KCNB2: variants seen among roughly 807,000 people sequenced by gnomAD.
The protein encoded by KCNB2 is potassium voltage-gated channel subfamily B member 2, also known as delayed rectifier potassium channel protein.
In KCNB2, 15 loss-of-function variants were observed where a neutral mutation model predicts 61.5. The ratio of observed to expected loss-of-function variants is 0.24; its 90% CI spans 0.16 to 0.38. KCNB2 has a LOEUF of 0.38. Among genes scored for constraint, KCNB2 ranks in the 10% least tolerant of loss-of-function variants. The pLI, the probability that KCNB2 is intolerant of heterozygous loss-of-function variation, is 1.00. For synonymous variants in KCNB2, 457 were observed against 446.0 expected, an observed-to-expected ratio of 1.02 and a Z score of -0.31; for missense variants, 828 against 1,125.2, an observed-to-expected ratio of 0.74 and a Z score of 3.78.
At chr8:72,673,667 A>G (rs903330237) in intron 2 of KCNB2, among the ~76,000 whole-genome samples, 1 of 152,246 alleles carries the variant, frequency 6.6e-6, no homozygotes, top group East Asian at 1.9e-4. Flanking sequence ...CCTTGAAAGC[A>G]TTATGTAAGG....
At chr8:72,903,039 T>A (rs1806114526) in intron 2 of KCNB2, among the ~76,000 whole-genome samples, 1 of 152,196 alleles carries the variant, frequency 6.6e-6, no homozygotes, top group South Asian at 2.1e-4. Flanking sequence ...ACTTTGAGTT[T>A]CTTTGAGTAC....
At chr8:72,727,343 G>A (rs1388047840) in intron 2 of KCNB2, among the ~76,000 whole-genome samples, 1 of 152,118 alleles carries the variant, frequency 6.6e-6, no homozygotes, top group East Asian at 1.9e-4. Flanking sequence ...AGGGATAAGG[G>A]CCTCATCTTC....
chr8:72,609,105 TG>T (rs1466216382), intron 2 of KCNB2, among the ~76,000 whole-genome samples: 1 of 152,198 alleles, frequency 6.6e-6, no homozygotes, highest in Non-Finnish European at 1.5e-5. Flanking sequence ...CTCTTTCATT[TG>T]TAAAGATAAG....
intron 2 of KCNB2, chr8:72,619,307 G>A (rs1235458835): frequency 1.6e-6 from 1 of 613,218 alleles, no homozygotes; most frequent in Non-Finnish European, 3.2e-6. Context: ...GATTGGCAGG[G>A]GAAAAGTTCA....
At chr8:72,798,235 G>A (rs1809062606) in intron 2 of KCNB2, among the ~76,000 whole-genome samples, 1 of 152,108 alleles carries the variant, frequency 6.6e-6, no homozygotes, top group Non-Finnish European at 1.5e-5. Context: ...GAACTTTCCT[G>A]TTATGTTTTA....
chr8:72,824,990 C>T (rs1051024081), intron 2 of KCNB2, among the ~76,000 whole-genome samples: 2 of 152,166 alleles, frequency 1.3e-5, no homozygotes, highest in Non-Finnish European at 2.9e-5. Context: ...CACCATCATC[C>T]ACCTCCAGAA....
At chr8:72,656,319 T>C (rs145172311) in intron 2 of KCNB2, among the ~76,000 whole-genome samples, 2,244 of 152,214 alleles carry the variant, frequency 0.015, 45 homozygotes, top group African/African-American at 0.052. Context: ...CCTCTGAGAG[T>C]GAGCTATCCT....
intron 2 of KCNB2, among the ~76,000 whole-genome samples, chr8:72,727,023 C>G (rs1807661978): frequency 6.6e-6 from 1 of 152,180 alleles, no homozygotes; most frequent in South Asian, 2.1e-4. Context: ...TTTATCTAAT[C>G]ACTATTCACT....
Position 72,936,486 on chromosome 8 carries a change from C to T in KCNB2, c.1131C>T (p.Ile377=). The T allele has an allele frequency of 6.2e-7, 1 of 1,614,220 alleles. No individual in the cohort carries two copies. The highest frequency in any genetic ancestry group is 1.3e-5 in the African/African-American group (1 of 75,078). Residue 377 remains isoleucine, a synonymous_variant, in exon 3 of 3, where the codon ATC becomes ATT. Coordinates refer to ENST00000523207, the MANE Select transcript of KCNB2 (RefSeq NM_004770.3). The surrounding 1 kb of genome is among the most constrained non-coding windows in gnomAD (Gnocchi z 5.6). ...CTGCATCATTTTGGTGGGCCACCAT[C>T]ACCATGACCACTGTTGGCTATGGTG... ...SIPASFWWAT[I]TMTTVGYGDI...
intron 2 of KCNB2, among the ~76,000 whole-genome samples, chr8:72,916,286 C>T (rs545986432): frequency 6.6e-6 from 1 of 152,252 alleles, no homozygotes; most frequent in South Asian, 2.1e-4. Flanking sequence ...CAGGATATTT[C>T]CCTGACCCCT....
chr8:72,750,223 C>G (rs2128995552), intron 2 of KCNB2: 1 of 152,224 alleles, frequency 6.6e-6, no homozygotes, highest in South Asian at 2.1e-4. Flanking sequence ...CACTGAACTT[C>G]ATTCATTTTT....
At chr8:72,785,360 C>T (rs1432552814) in intron 2 of KCNB2, among the ~76,000 whole-genome samples, 1 of 152,118 alleles carries the variant, frequency 6.6e-6, no homozygotes, top group African/African-American at 2.4e-5. Context: ...TGGGAATTGC[C>T]TACGTTTGTG....
chr8:72,817,992 T>C (rs978672578), intron 2 of KCNB2, among the ~76,000 whole-genome samples: 1 of 152,150 alleles, frequency 6.6e-6, no homozygotes, highest in Non-Finnish European at 1.5e-5. Flanking sequence ...GGAGGAAGGA[T>C]TAGCTAACAA....
intron 2 of KCNB2, among the ~76,000 whole-genome samples, chr8:72,593,526 G>A (rs1807133380): frequency 6.6e-6 from 1 of 152,178 alleles, no homozygotes; most frequent in Non-Finnish European, 1.5e-5. Flanking sequence ...AGTGTATCTA[G>A]TTTTCTCTCT....
At chr8:72,669,452 G>T (rs934309483) in intron 2 of KCNB2, among the ~76,000 whole-genome samples, 1 of 152,056 alleles carries the variant, frequency 6.6e-6, no homozygotes, top group Non-Finnish European at 1.5e-5. Context: ...CAAAAAAACT[G>T]ACAGAAAAGA....
chr8:72,926,430 C>CT (rs1327145130), intron 2 of KCNB2, among the ~76,000 whole-genome samples: 3 of 151,780 alleles, frequency 2.0e-5, no homozygotes, highest in African/African-American at 4.8e-5. Context: ...TTTATCATTT[C>CT]TTTTTTTTAT....
At chr8:72,559,143 A>T (rs995389422) in intron 1 of KCNB2, among the ~76,000 whole-genome samples, 2 of 151,358 alleles carry the variant, frequency 1.3e-5, no homozygotes, top group Admixed American at 1.3e-4. Context: ...ATTTTATTTT[A>T]TTTTATTATT....
chr8:72,610,059 C>CA (rs1360583539), intron 2 of KCNB2, among the ~76,000 whole-genome samples: 1 of 151,654 alleles, frequency 6.6e-6, no homozygotes, highest in Admixed American at 6.6e-5. Context: ...AATAATATTT[C>CA]AAAAAAATTT....
chr8:72,685,599 A>C (rs1017465064), intron 2 of KCNB2, among the ~76,000 whole-genome samples: 1 of 152,296 alleles, frequency 6.6e-6, no homozygotes, highest in Admixed American at 6.5e-5. Flanking sequence ...GGGTCAAAGA[A>C]GGTAACATAG....
Sources: allele counts gnomAD v4.1 joint callset (sites outside exome capture counted in the v4.1 genomes callset), GRCh38; gene constraint gnomAD v4.1.1; non-coding constraint Gnocchi (gnomAD v3.1); transcripts MANE v1.5; gene names NCBI Gene and HGNC (gene_info 2026-07-23, HGNC 2026-07-21).